Variants in HSPG2 observed in about 807,000 individuals in gnomAD.
HSPG2 encodes the protein heparan sulfate proteoglycan 2.
HSPG2 carries 278 observed loss-of-function variants against 526.6 expected under a neutral mutation model. The observed-to-expected ratio is 0.53, with a 90% CI of 0.48 to 0.58. The LOEUF (loss-of-function observed/expected upper bound fraction) is 0.58, where lower values mean the gene tolerates loss of function less well. HSPG2 is among the 20% of genes least tolerant of loss of function. The pLI is 0.00. For synonymous variants in HSPG2, 2,465 were observed against 2,555.4 expected (o/e 0.96, Z 1.07); for missense variants, 5,354 against 6,099.5 (o/e 0.88, Z 4.07).
chr1:21,842,754 A>T lies in HSPG2; in HGVS notation c.8910+16T>A. The T allele has an allele frequency of 6.2e-7, 1 of 1,612,528 alleles. No individual in the cohort carries two copies. The highest frequency in any genetic ancestry group is 8.5e-7 in the Non-Finnish European group (1 of 1,180,008). On this transcript the variant is annotated intron_variant, in intron 67 of 96. Coordinates refer to ENST00000374695, the MANE Select transcript of HSPG2 (RefSeq NM_005529.7). ...CCTTGCCTGACCTGGAATCCTCCCC[A>T]TCCTGGCCCCTGTACCTGGTGCCGG...
In HSPG2 at chr1:21,851,654, C is replaced by CG; in HGVS notation, c.7049dup (p.Gln2351AlafsTer75). ...CCAGGGTCTGCCCTTCCGCCACTTG[C>CG]GAGGAGGAGGGCTCGATGCGGATGG... On this transcript the variant is annotated frameshift_variant, in exon 55 of 97. Coordinates refer to ENST00000374695, the MANE Select transcript of HSPG2 (RefSeq NM_005529.7). LOFTEE classifies it high-confidence loss of function. 1 of 1,613,680 alleles carries CG rather than the reference C, an allele frequency of 6.2e-7. No individual in the cohort carries two copies. The highest frequency in any genetic ancestry group is 8.5e-7 in the Non-Finnish European group (1 of 1,179,950).
chr1:21,857,148 C>T lies in HSPG2; in HGVS notation c.5442G>A (p.Leu1814=), dbSNP rs115087461. The change falls in exon 44 of 97, where the codon CTG becomes CTA. Residue 1814 remains leucine (L), a synonymous_variant. Transcript: ENST00000374695. ...LVWTRLHNGK[L]PTRAMDFNGI... is the part of the protein sequence containing the mutation. Reference sequence around the variant, plus strand: ...CATTGAAATCCATGGCTCGGGTGGGCAGTTTCCCGTTGTGCAGGCGGGTCC... The same window carrying T: ...CATTGAAATCCATGGCTCGGGTGGGTAGTTTCCCGTTGTGCAGGCGGGTCC... 2,549 of 1,614,102 alleles carry T rather than the reference C, an allele frequency of 1.6e-3. 30 individuals carry two copies. In the African/African-American group the frequency reaches 0.028, roughly 18 times the overall value.
chr1:21,918,528 G>T (rs1643944732), intron 1 of HSPG2, among the ~76,000 whole-genome samples: 1 of 151,284 alleles, frequency 6.6e-6, no homozygotes, highest in Non-Finnish European at 1.5e-5. Context: ...GAGATTATTT[G>T]TACTTACTAT....
chr1:21,934,897 G>A (rs1243007164), intron 1 of HSPG2, among the ~76,000 whole-genome samples: 1 of 139,008 alleles, frequency 7.2e-6, no homozygotes, highest in Non-Finnish European at 1.6e-5. Flanking sequence ...GCCTGGCCCC[G>A]AAAAACTTTT....
At chr1:21,846,058 G>A (rs1165853753) in intron 64 of HSPG2, 50 bp downstream of exon 64, 2 of 1,603,462 alleles carry the variant, frequency 1.2e-6, no homozygotes, top group South Asian at 1.1e-5. Context: ...CCTGGTCTCT[G>A]TCCCTTCCTC....
rs749849820 is a variant in HSPG2 at position 21,851,912 on chromosome 1, G to C, written c.6885C>G (p.Arg2295=). 1.9e-6 allele frequency: 3 copies of C among 1,604,550 alleles called. No individual in the cohort carries two copies. The part of the protein sequence containing the change: ...LPARHQVRGS[R]LYIFQASPAD... Reference sequence around the variant, plus strand: ...CAGGTGAGGCCTGGAAGATGTACAGGCGGGAGCCACGAACCTGGGCAGCCG... The same window carrying C: ...CAGGTGAGGCCTGGAAGATGTACAGCCGGGAGCCACGAACCTGGGCAGCCG... Residue 2295 remains arginine (R), a synonymous_variant, in exon 54 of 97, where the codon CGC becomes CGG. Coordinates refer to ENST00000374695, the MANE Select transcript of HSPG2 (RefSeq NM_005529.7).
At chr1:21,836,502 T>C (rs1382499115) in intron 75 of HSPG2, among the ~76,000 whole-genome samples, 1 of 152,190 alleles carries the variant, frequency 6.6e-6, no homozygotes, top group East Asian at 1.9e-4. Flanking sequence ...TTTGTATTTT[T>C]AGTAGAGGCA....
Position 21,859,919 on chromosome 1 carries a change from C to T in HSPG2, c.5098G>A (p.Val1700Ile). The change falls in exon 41 of 97, where the codon GTC (valine) becomes ATC (isoleucine). Residue 1700 changes from valine (V) to isoleucine (I), a missense_variant. Physicochemically the swap from Val to Ile is conservative, Grantham distance 29. Coordinates refer to ENST00000374695, the MANE Select transcript of HSPG2 (RefSeq NM_005529.7). This position sits in a 1 kb window ranked among gnomAD's most constrained non-coding sequence, Gnocchi z 5.3. ...QGGSHSLRCQ[V>I]SGSPPHYFYW... The stretch of plus-strand genomic sequence containing the variant: ...AAGTAGTGGGGTGGGCTCCCACTGA[C>T]CTGACACCGCAGGGAGTGGGAGCCA... 1 of 1,610,478 alleles carries T rather than the reference C, an allele frequency of 6.2e-7. No homozygotes were observed. The highest frequency in any genetic ancestry group is 8.5e-7 in the Non-Finnish European group (1 of 1,179,340).
In HSPG2 at chr1:21,890,417, C is replaced by T. The variant is rs1203886320; in HGVS notation, c.413+10G>A. The stretch of plus-strand genomic sequence containing the variant: ...AGTCCCCCAGCAGCCCCCAGGGAGC[C>T]CCTTCTCACTTGATGAACACCACAC... On this transcript the variant is annotated intron_variant, in intron 5 of 96. Coordinates refer to ENST00000374695, the MANE Select transcript of HSPG2 (RefSeq NM_005529.7). The surrounding 1 kb of genome is among the most constrained non-coding windows in gnomAD (Gnocchi z 4.1). 2 of 1,613,494 alleles carry T rather than the reference C, an allele frequency of 1.2e-6. No homozygotes were observed. The highest frequency in any genetic ancestry group is 1.1e-5 in the South Asian group (1 of 91,056).
intron 17 of HSPG2, 87 bp downstream of exon 17, chr1:21,880,020 G>T: frequency 6.8e-7 from 1 of 1,463,380 alleles, no homozygotes; most frequent in Non-Finnish European, 9.6e-7. Flanking sequence ...CATTCTGGAG[G>T]CTTGTGCTGA....
At chr1:21,886,085 G>A (rs756938172) in intron 9 of HSPG2, among the ~76,000 whole-genome samples, 2 of 152,272 alleles carry the variant, frequency 1.3e-5, no homozygotes, top group Non-Finnish European at 2.9e-5. Context: ...CATCCACAGA[G>A]CAGGTGCGAG....
chr1:21,839,312 G>A lies in HSPG2; in HGVS notation c.9889+59C>T. Reference sequence around the variant, plus strand: ...TTCCTGGGGTTCTGTGTGGGGTGGAGCCTAGTCGGGGGGCTCAGATCTCCA... The same window carrying A: ...TTCCTGGGGTTCTGTGTGGGGTGGAACCTAGTCGGGGGGCTCAGATCTCCA... On this transcript the variant is annotated intron_variant, in intron 73 of 96. Transcript: ENST00000374695. This position sits in a 1 kb window ranked among gnomAD's most constrained non-coding sequence, Gnocchi z 4.5. 6.3e-7 allele frequency: 1 copy of A among 1,576,912 alleles called. No homozygotes were observed. The highest frequency in any genetic ancestry group is 8.6e-7 in the Non-Finnish European group (1 of 1,157,428).
chr1:21,828,966 G>A lies in HSPG2; in HGVS notation c.12106C>T (p.Leu4036=), dbSNP rs777072006. The change falls in exon 88 of 97, where the codon CTG becomes TTG. Residue 4036 remains leucine, a synonymous_variant. Transcript: ENST00000374695. The surrounding 1 kb of genome is among the most constrained non-coding windows in gnomAD (Gnocchi z 6.0). ...SLRVNGGRPV[L]RSSPGKSQGL... Reference sequence around the variant, plus strand: ...TGGCTCTTGCCGGGCGAGGAGCGCAGCACAGGGCGTCCACCATTCACCCGC... The same window carrying A: ...TGGCTCTTGCCGGGCGAGGAGCGCAACACAGGGCGTCCACCATTCACCCGC... 6.3e-7 allele frequency: 1 copy of A among 1,577,450 alleles called. No individual in the cohort carries two copies. The highest frequency in any genetic ancestry group is 1.2e-5 in the South Asian group (1 of 85,946).
In HSPG2 at chr1:21,828,784, C is replaced by G. The variant is rs1043610318; in HGVS notation, c.12237+51G>C. 2 of 1,549,502 alleles carry G rather than the reference C, an allele frequency of 1.3e-6. No homozygotes were observed. The highest frequency in any genetic ancestry group is 2.4e-5 in the East Asian group (1 of 40,884). On this transcript the variant is annotated intron_variant, in intron 88 of 96. Coordinates refer to ENST00000374695, the MANE Select transcript of HSPG2 (RefSeq NM_005529.7). The surrounding 1 kb of genome is among the most constrained non-coding windows in gnomAD (Gnocchi z 6.0). ...GGTGCTTGGAGAGCCGAGGGGGACA[C>G]AAGGCTTGGCACCCCTCCCCTCCCG...
chr1:21,837,048 T>A, intron 74 of HSPG2, 42 bp from the exon 75 acceptor site: 1 of 1,502,972 alleles, frequency 6.7e-7, no homozygotes, highest in South Asian at 1.2e-5. Flanking sequence ...TATGTGTGTG[T>A]GATGTCCCTG....
chr1:21,897,058 CG>C (rs1557805972), intron 1 of HSPG2, among the ~76,000 whole-genome samples: 1 of 152,132 alleles, frequency 6.6e-6, no homozygotes, highest in Admixed American at 6.5e-5. Context: ...CTATGTGGGC[CG>C]GAGCAGAAGG....
chr1:21,846,568 C>T lies in HSPG2; in HGVS notation c.8196G>A (p.Glu2732=), dbSNP rs1216734903. 10 of 1,613,688 alleles carry T rather than the reference C, an allele frequency of 6.2e-6. No individual in the cohort carries two copies. The highest frequency in any genetic ancestry group is 7.6e-6 in the Non-Finnish European group (9 of 1,180,036). ...CTTCGGCCACGTGTGAGGAGGATGA[C>T]TCAATTCTGATGGGCATGGAGCTGC... ...APGSSMPIRI[E]SSSSHVAEGE... The change falls in exon 63 of 97, where the codon GAG becomes GAA. Residue 2732 remains glutamate (E), a synonymous_variant. Transcript: ENST00000374695.
Position 21,890,449 on chromosome 1 carries a change from C to G in HSPG2, c.391G>C (p.Val131Leu). ...CACTTGATGAACACCACACTGACAACCTGGTCTCCGGGAATTTTCAAGTAC... is the reference window on the plus strand; with the variant it reads ...CACTTGATGAACACCACACTGACAAGCTGGTCTCCGGGAATTTTCAAGTAC... ...SEYLKIPGDQ[V>L]VSVVFIKELD... The change falls in exon 5 of 97, where the codon GTT becomes CTT. Residue 131 changes from valine to leucine, a missense_variant. Transcript: ENST00000374695. This position sits in a 1 kb window ranked among gnomAD's most constrained non-coding sequence, Gnocchi z 4.1. 6.2e-7 allele frequency: 1 copy of G among 1,614,068 alleles called. No homozygotes were observed. Among genetic ancestry groups the G allele is most frequent in the Non-Finnish European group, 8.5e-7 (1 of 1,180,008 alleles).
At position 21,824,894 on chromosome 1, in the gene HSPG2, T is replaced by C; in HGVS notation, c.12590-115A>G. 1.0e-6 allele frequency: 1 copy of C among 986,120 alleles called. No homozygotes were observed. The allele number at this position is 986,120 out of a possible 1,614,324, so 61.1% of individuals were successfully genotyped here. A position where few individuals can be genotyped will look rare whatever the true frequency, so the allele number is the denominator to read the frequency against. ...ATGCAGGACTAGGGGGCTCCGAGCC[T>C]GCAGTCCCTGGGGACCCACGGGGGC... On this transcript the variant is annotated intron_variant, in intron 91 of 96. Coordinates refer to ENST00000374695, the MANE Select transcript of HSPG2 (RefSeq NM_005529.7). The surrounding 1 kb of genome is among the most constrained non-coding windows in gnomAD (Gnocchi z 5.9).
Sources: gnomAD v4.1 joint callset for allele counts (sites outside exome capture counted in the v4.1 genomes callset) on GRCh38, gnomAD v4.1.1 for gene constraint, Gnocchi (gnomAD v3.1) non-coding constraint, MANE v1.5 for transcripts, NCBI Gene and HGNC (gene_info 2026-07-23, HGNC 2026-07-21) for gene names.